RAB27B: variants seen among roughly 807,000 people sequenced by gnomAD.
RAB27B encodes ras-related protein Rab-27B.
In RAB27B, 15 loss-of-function variants were observed where a neutral mutation model predicts 24.6. The ratio of observed to expected loss-of-function variants is 0.61; its 90% CI spans 0.41 to 0.94. RAB27B has a LOEUF of 0.94. Among genes scored for constraint, RAB27B ranks in the 40% least tolerant of loss-of-function variants. The probability of loss-of-function intolerance (pLI) is 0.00; values close to 1 mark genes in which losing one functional copy is unlikely to be tolerated. For synonymous variants in RAB27B, 105 were observed against 92.5 expected, an observed-to-expected ratio of 1.14 and a Z score of -0.78; for missense variants, 261 against 266.8, an observed-to-expected ratio of 0.98 and a Z score of 0.15.
At chr18:54,719,315 A>G (rs1408973560) in intron 2 of RAB27B, among the ~76,000 whole-genome samples, 1 of 152,060 alleles carries the variant, frequency 6.6e-6, no homozygotes, top group African/African-American at 2.4e-5. Flanking sequence ...AGTTCCCTTA[A>G]CACTCTTTAT....
At chr18:54,820,812 T>A (rs187750883) in intron 2 of RAB27B, among the ~76,000 whole-genome samples, 106 of 152,348 alleles carry the variant, frequency 7.0e-4, no homozygotes, top group African/African-American at 2.5e-3. Flanking sequence ...AAGGAAGGGA[T>A]CCAGTTTCAG....
intron 1 of RAB27B, among the ~76,000 whole-genome samples, chr18:54,830,752 A>G (rs1910642783): frequency 6.6e-6 from 1 of 152,148 alleles, no homozygotes; most frequent in Admixed American, 6.5e-5. Flanking sequence ...AATTTCTTTC[A>G]CACCCTTTGC....
intron 1 of RAB27B, among the ~76,000 whole-genome samples, chr18:54,850,219 T>C (rs1323209924): frequency 6.6e-6 from 1 of 151,336 alleles, no homozygotes; most frequent in Non-Finnish European, 1.5e-5. Flanking sequence ...CTCCCAATTT[T>C]ATTCTAAATA....
intron 2 of RAB27B, among the ~76,000 whole-genome samples, chr18:54,809,048 T>G (rs1393160065): frequency 6.6e-6 from 1 of 152,198 alleles, no homozygotes; most frequent in Non-Finnish European, 1.5e-5. Context: ...TGGTTGAAAT[T>G]TTCCCCCATT....
intron 1 of RAB27B, among the ~76,000 whole-genome samples, chr18:54,835,756 T>C (rs1158070927): frequency 6.6e-6 from 1 of 152,014 alleles, no homozygotes; most frequent in Non-Finnish European, 1.5e-5. Flanking sequence ...ATGAGCAACT[T>C]TGGGTTTGCT....
In RAB27B at chr18:54,732,101, A is replaced by G. The variant is rs144858092; in HGVS notation, c.-20+13960A>G. ...CCATTTTTTATGTCTTGGCAAGAAG[A>G]AAACTCTAGGAAAGATATAAATCTT... is the stretch of plus-strand genomic sequence containing the variant. On this transcript the variant is annotated intron_variant, in intron 2 of 4. Transcript: ENST00000586570. 1.1e-4 allele frequency among the ~76,000 whole-genome samples: 16 copies of G among 152,336 alleles called. No homozygotes were observed. The East Asian group carries it at 3.1e-3, about 29-fold the overall frequency.
chr18:54,819,955 A>C (rs1181117175), intron 2 of RAB27B, among the ~76,000 whole-genome samples: 1 of 151,990 alleles, frequency 6.6e-6, no homozygotes, highest in African/African-American at 2.4e-5. Flanking sequence ...TGAACTCATC[A>C]TTTTTTTGGC....
At chr18:54,754,123 A>C (rs1338677136) in intron 2 of RAB27B, among the ~76,000 whole-genome samples, 1 of 151,964 alleles carries the variant, frequency 6.6e-6, no homozygotes, top group African/African-American at 2.4e-5. Flanking sequence ...GTTGAGGGAG[A>C]GACCGGGTGG....
chr18:54,759,690 C>A (rs1908120856), intron 2 of RAB27B, among the ~76,000 whole-genome samples: 1 of 152,128 alleles, frequency 6.6e-6, no homozygotes, highest in Non-Finnish European at 1.5e-5. Context: ...CCATCCTGTA[C>A]CCATAAAAAG....
Position 54,801,047 on chromosome 18 carries a change from C to G in RAB27B, c.-19-76520C>G, listed in dbSNP as rs150426263. Among the ~76,000 whole-genome samples the G allele has an allele frequency of 5.6e-3, 610 of 108,388 alleles. 2 individuals are homozygous for G. The highest frequency in any genetic ancestry group is 0.021 in the African/African-American group (593 of 28,732). 71.1% of individuals were successfully genotyped at this position (108,388 alleles called of 152,430 possible). A position where few individuals can be genotyped will look rare whatever the true frequency, so the allele number is the denominator to read the frequency against. ...TTTTTTTTTTTAACAGAGTCTTGCTCTGTTGCCCAGGCTGGAGTGCAGTGG... is the reference window on the plus strand; with the variant it reads ...TTTTTTTTTTTAACAGAGTCTTGCTGTGTTGCCCAGGCTGGAGTGCAGTGG... On this transcript the variant is annotated intron_variant, in intron 2 of 4. Transcript: ENST00000586570.
chr18:54,733,648 G>T (rs1386263555), intron 2 of RAB27B, among the ~76,000 whole-genome samples: 2 of 91,084 alleles, frequency 2.2e-5, no homozygotes, highest in Non-Finnish European at 5.1e-5. Flanking sequence ...TTCTGTTCTA[G>T]AGCCCCCCCC....
At position 54,784,474 on chromosome 18, in the gene RAB27B, C is replaced by T. The variant is rs190569853; in HGVS notation, c.-20+66333C>T. On this transcript the variant is annotated intron_variant, in intron 2 of 4. Coordinates refer to the RAB27B transcript ENST00000586570. The stretch of plus-strand genomic sequence containing the variant: ...ACCCTCTGTTCCCCATTTTGGAGTT[C>T]TCAGTGTCTATTGTTCCCATCTTTG... Among the ~76,000 whole-genome samples the T allele has an allele frequency of 6.6e-5, 10 of 152,204 alleles. No individual in the cohort carries two copies. In the East Asian group the frequency reaches 1.9e-3, roughly 29 times the overall value.
At position 54,785,789 on chromosome 18, in the gene RAB27B, A is replaced by G. The variant is rs113641373; in HGVS notation, c.-20+67648A>G. 5.9e-3 allele frequency among the ~76,000 whole-genome samples: 896 copies of G among 152,250 alleles called. 1 individual carries two copies. The highest frequency in any genetic ancestry group is 0.021 in the African/African-American group (858 of 41,554). On this transcript the variant is annotated intron_variant, in intron 2 of 4. Transcript: ENST00000586570. ...TGCCTAAGGATAAGGAGAAAATGCA[A>G]TGCATGTGTATGAACAGTTAGGGGC...
chr18:54,856,341 A>G (rs1911785423), intron 1 of RAB27B, among the ~76,000 whole-genome samples: 1 of 152,254 alleles, frequency 6.6e-6, no homozygotes, highest in Admixed American at 6.5e-5. Flanking sequence ...CAAAGAGGGC[A>G]AAGAGTATTA....
At chr18:54,886,375 A>G (rs1287259474) in intron 4 of RAB27B, among the ~76,000 whole-genome samples, 1 of 152,148 alleles carries the variant, frequency 6.6e-6, no homozygotes, top group East Asian at 1.9e-4. Flanking sequence ...AGTGCCTGGC[A>G]CAGAGTAGAT....
intron 2 of RAB27B, among the ~76,000 whole-genome samples, chr18:54,820,382 A>C (rs1333205769): frequency 1.3e-5 from 2 of 152,018 alleles, no homozygotes; most frequent in Non-Finnish European, 2.9e-5. Context: ...GATGATGAGC[A>C]TTTTTTCATG....
Position 54,889,547 on chromosome 18 carries a change from T to C in RAB27B, c.*134T>C. On this transcript the variant is annotated 3_prime_UTR_variant, in exon 6 of 6. Coordinates refer to ENST00000262094, the MANE Select transcript of RAB27B (RefSeq NM_004163.4). ...TCTTTTTCTGCCAGAAAATCTATTTTAAGAAACCAGAATAGTCAACAGTGT... is the reference window on the plus strand; with the variant it reads ...TCTTTTTCTGCCAGAAAATCTATTTCAAGAAACCAGAATAGTCAACAGTGT... The C allele has an allele frequency of 1.2e-6, 1 of 855,638 alleles. No homozygotes were observed. Among genetic ancestry groups the C allele is most frequent in the Non-Finnish European group, 1.7e-6 (1 of 575,964 alleles). The allele number at this position is 855,638 out of a possible 1,614,324, so 53.0% of individuals were successfully genotyped here.
intron 2 of RAB27B, among the ~76,000 whole-genome samples, chr18:54,796,103 C>G (rs150146759): frequency 6.6e-6 from 1 of 152,266 alleles, no homozygotes; most frequent in East Asian, 1.9e-4. Flanking sequence ...TTCCTCATCC[C>G]CCTTGCAAGA....
At chr18:54,830,074 A>G (rs953298185) in intron 1 of RAB27B, among the ~76,000 whole-genome samples, 2 of 152,216 alleles carry the variant, frequency 1.3e-5, no homozygotes, top group Non-Finnish European at 2.9e-5. Context: ...AGTTGCCAAG[A>G]AGGGATAAAG....
Sources: allele counts gnomAD v4.1 joint callset (sites outside exome capture counted in the v4.1 genomes callset), GRCh38; gene constraint gnomAD v4.1.1; transcripts MANE v1.5; gene names NCBI Gene and HGNC (gene_info 2026-07-23, HGNC 2026-07-21).